The following DOK6 variants were observed in gnomAD, a reference collection of about 807,000 sequenced individuals.
DOK6 encodes downstream of tyrosine kinase 6.
Under a neutral mutation model 44.0 loss-of-function variants are expected in DOK6, and 22 were observed. The observed-to-expected ratio is 0.50, with a 90% CI of 0.36 to 0.71. DOK6 has a LOEUF of 0.71. Among genes scored for constraint, DOK6 ranks in the 30% least tolerant of loss-of-function variants. The pLI, the probability that DOK6 is intolerant of heterozygous loss-of-function variation, is 0.00. For synonymous variants in DOK6, 166 were observed against 145.5 expected (o/e 1.14, Z -1.01); for missense variants, 340 against 416.4 (o/e 0.82, Z 1.60).
At chr18:69,748,097 G>A (rs1256531121) in intron 6 of DOK6, among the ~76,000 whole-genome samples, 1 of 151,994 alleles carries the variant, frequency 6.6e-6, no homozygotes, top group African/African-American at 2.4e-5. Context: ...TACAATCCTG[G>A]TTTCTGACAA....
intron 1 of DOK6, among the ~76,000 whole-genome samples, chr18:69,468,826 A>G (rs898535467): frequency 1.3e-5 from 2 of 152,242 alleles, no homozygotes; most frequent in Non-Finnish European, 2.9e-5. Context: ...GAAAGAATTT[A>G]GAATATAAAG....
intron 7 of DOK6, among the ~76,000 whole-genome samples, chr18:69,773,932 A>G (rs188042795): frequency 6.6e-6 from 1 of 151,334 alleles, no homozygotes; most frequent in African/African-American, 2.4e-5. Flanking sequence ...AGAGGAAAAG[A>G]AGTCATTATA....
intron 1 of DOK6, among the ~76,000 whole-genome samples, chr18:69,509,033 G>C (rs1325108097): frequency 6.6e-6 from 1 of 152,126 alleles, no homozygotes; most frequent in East Asian, 1.9e-4. Flanking sequence ...TTCCACATTT[G>C]TGTAGCTAAT....
chr18:69,547,560 T>C lies in DOK6; in HGVS notation c.67-16927T>C, dbSNP rs1285518619. Among the ~76,000 whole-genome samples the C allele has an allele frequency of 2.0e-5, 3 of 151,536 alleles. 1 individual carries two copies. Among genetic ancestry groups the C allele is most frequent in the Non-Finnish European group, 4.4e-5 (3 of 67,736 alleles). Reference sequence around the variant, plus strand: ...CAACAGTGCGGATTACATTTTAACATGAGATTTGGAGTGGACAGTTATCCC... The same window carrying C: ...CAACAGTGCGGATTACATTTTAACACGAGATTTGGAGTGGACAGTTATCCC... On this transcript the variant is annotated intron_variant, in intron 1 of 7. Transcript: ENST00000382713.
chr18:69,757,853 G>A lies in DOK6; in HGVS notation c.836G>A (p.Gly279Asp). The change falls in exon 7 of 8, where the codon GGT (glycine) becomes GAT (aspartate). Residue 279 changes from glycine to aspartate, a missense_variant. Coordinates refer to ENST00000382713, the MANE Select transcript of DOK6 (RefSeq NM_152721.6). ...WHHITRQNSV[G>D]EIYSLQGHGF... is the part of the protein sequence containing the mutation. ...CACATCACTCGTCAGAACAGCGTTGGTGAAATCTACAGTTTGCAAGGCAAG... is the reference window on the plus strand; with the variant it reads ...CACATCACTCGTCAGAACAGCGTTGATGAAATCTACAGTTTGCAAGGCAAG... The A allele has an allele frequency of 6.2e-7, 1 of 1,614,084 alleles. No homozygotes were observed. Among genetic ancestry groups the A allele is most frequent in the Middle Eastern group, 1.7e-4 (1 of 6,060 alleles).
intron 4 of DOK6, among the ~76,000 whole-genome samples, chr18:69,692,154 C>T (rs2144697174): frequency 6.6e-6 from 1 of 152,278 alleles, no homozygotes; most frequent in East Asian, 1.9e-4. Flanking sequence ...AGAGCATATT[C>T]TATCTTTCTC....
At chr18:69,527,708 A>G (rs754570169) in intron 1 of DOK6, among the ~76,000 whole-genome samples, 3 of 152,218 alleles carry the variant, frequency 2.0e-5, no homozygotes, top group Non-Finnish European at 4.4e-5. Flanking sequence ...TGATTTGTAC[A>G]AAAAGGAAGC....
intron 7 of DOK6, among the ~76,000 whole-genome samples, chr18:69,807,357 A>G (rs73970273): frequency 0.087 from 13,199 of 152,046 alleles, 1,002 homozygotes; most frequent in African/African-American, 0.2. Flanking sequence ...TCACAAAGGA[A>G]GACAACAAGA....
chr18:69,815,617 T>A (rs1405704711), intron 7 of DOK6, among the ~76,000 whole-genome samples: 1 of 152,196 alleles, frequency 6.6e-6, no homozygotes, highest in African/African-American at 2.4e-5. Context: ...GAGAAAATCT[T>A]ATGATAACCA....
rs1982405797 is a variant in DOK6, at chr18:69,848,667, CT to C, written c.*7286del. ...AAATACATAATTGAAAAATTACCTT[CT>C]TCTGAAGTCGTAGTTTTTAATCTTA... On this transcript the variant is annotated 3_prime_UTR_variant, in exon 8 of 8. Transcript: ENST00000382713. The C allele has an allele frequency of 6.6e-6, 1 of 152,198 alleles. No homozygotes were observed. Among genetic ancestry groups the C allele is most frequent in the African/African-American group, 2.4e-5 (1 of 41,452 alleles). 9.4% of individuals were successfully genotyped at this position (152,198 alleles called of 1,614,324 possible). A position where few individuals can be genotyped will look rare whatever the true frequency, so the allele number is the denominator to read the frequency against.
chr18:69,490,965 CGCAGTCCCTGAGCATTT>C (rs1171249161), intron 1 of DOK6, among the ~76,000 whole-genome samples: 2 of 152,204 alleles, frequency 1.3e-5, no homozygotes, highest in African/African-American at 4.8e-5. Flanking sequence ...CTCAGAAGGC[CGCAGTCCCTGAGCATTT>C]GCTGCCGGCA....
chr18:69,522,615 C>A (rs577204611), intron 1 of DOK6, among the ~76,000 whole-genome samples: 11 of 152,114 alleles, frequency 7.2e-5, no homozygotes, highest in Admixed American at 4.6e-4. Context: ...TAGAGACTCA[C>A]AAAACTAAAT....
chr18:69,543,621 T>G (rs984841079), intron 1 of DOK6, among the ~76,000 whole-genome samples: 1 of 151,488 alleles, frequency 6.6e-6, no homozygotes, highest in African/African-American at 2.4e-5. Flanking sequence ...GTATAATGTA[T>G]GAGGGAGTAT....
chr18:69,411,723 T>C (rs1370807698), intron 1 of DOK6, among the ~76,000 whole-genome samples: 4 of 152,170 alleles, frequency 2.6e-5, no homozygotes, highest in Admixed American at 6.6e-5. Context: ...ATTCTATGGC[T>C]TGATATCACT....
intron 6 of DOK6, among the ~76,000 whole-genome samples, chr18:69,754,502 T>TC (rs1979291991): frequency 6.6e-6 from 1 of 152,198 alleles, no homozygotes; most frequent in South Asian, 2.1e-4. Flanking sequence ...TTTCTTAGAT[T>TC]CCCCATGAGA....
At chr18:69,509,750 T>C (rs1044584215) in intron 1 of DOK6, among the ~76,000 whole-genome samples, 2 of 152,082 alleles carry the variant, frequency 1.3e-5, no homozygotes, top group African/African-American at 4.8e-5. Context: ...AATTGTTCAC[T>C]TAATATTTAA....
intron 2 of DOK6, among the ~76,000 whole-genome samples, chr18:69,596,437 T>A (rs993770480): frequency 6.6e-6 from 1 of 151,976 alleles, no homozygotes; most frequent in African/African-American, 2.4e-5. Context: ...AATGTCATAG[T>A]AAAAATACTG....
chr18:69,557,811 C>T (rs1357608385), intron 1 of DOK6, among the ~76,000 whole-genome samples: 1 of 152,060 alleles, frequency 6.6e-6, no homozygotes, highest in Non-Finnish European at 1.5e-5. Context: ...TGTCATCTGC[C>T]GTAAGACAGA....
intron 6 of DOK6, among the ~76,000 whole-genome samples, chr18:69,755,586 C>T (rs1979329498): frequency 6.6e-6 from 1 of 152,194 alleles, no homozygotes; most frequent in Non-Finnish European, 1.5e-5. Flanking sequence ...GACGAAAGTC[C>T]TATCTTTTCT....
Sources: allele counts gnomAD v4.1 joint callset (sites outside exome capture counted in the v4.1 genomes callset), GRCh38; gene constraint gnomAD v4.1.1; transcripts MANE v1.5; gene names NCBI Gene and HGNC (gene_info 2026-07-23, HGNC 2026-07-21).